Variants in YWHAQ observed in about 807,000 individuals in gnomAD.
YWHAQ encodes the protein tyrosine 3-monooxygenase/tryptophan 5-monooxygenase activation protein theta.
YWHAQ carries 6 observed loss-of-function variants against 28.3 expected under a neutral mutation model. The ratio of observed to expected loss-of-function variants is 0.21; its 90% confidence interval spans 0.12 to 0.42. The LOEUF is 0.42. YWHAQ is among the 10% of genes least tolerant of loss of function. The pLI, the probability that YWHAQ is intolerant of heterozygous loss-of-function variation, is 1.00. For missense variants in YWHAQ, 201 were observed against 305.6 expected, an observed-to-expected ratio of 0.66 and a Z score of 2.55; for synonymous variants, 143 against 119.1, an observed-to-expected ratio of 1.20 and a Z score of -1.31.
chr2:9,607,997 C>T (rs569424081), intron 2 of YWHAQ, among the ~76,000 whole-genome samples: 54 of 152,004 alleles, frequency 3.6e-4, no homozygotes, highest in Non-Finnish European at 7.4e-4. Context: ...CGTGAGCCAC[C>T]GAGCCTGGCC....
At chr2:9,601,354 C>A (rs1020466010) in intron 2 of YWHAQ, among the ~76,000 whole-genome samples, 1 of 151,978 alleles carries the variant, frequency 6.6e-6, no homozygotes, top group African/African-American at 2.4e-5. Context: ...CCCAGCTACT[C>A]GGGAGGCTGA....
At chr2:9,585,448 A>ATAT in intron 5 of YWHAQ, 103 bp from the exon 6 acceptor site, 1 of 1,289,752 alleles carries the variant, frequency 7.8e-7, no homozygotes, top group Non-Finnish European at 1.1e-6. Context: ...TAAATTCCTC[A>ATAT]AACAATGGAG....
intron 2 of YWHAQ, among the ~76,000 whole-genome samples, chr2:9,618,674 ATT>A (rs34048944): frequency 1.3e-4 from 17 of 134,550 alleles, no homozygotes; most frequent in Admixed American, 1.5e-4. Context: ...CACTGTTTTG[ATT>A]TTTTTTTTTT....
At chr2:9,617,772 A>G (rs1667064580) in intron 2 of YWHAQ, among the ~76,000 whole-genome samples, 1 of 152,054 alleles carries the variant, frequency 6.6e-6, no homozygotes, top group Admixed American at 6.6e-5. Flanking sequence ...CCCCATCTCT[A>G]AAAAATCAGC....
At chr2:9,587,136 C>G (rs756821171) in intron 5 of YWHAQ, among the ~76,000 whole-genome samples, 9 of 152,138 alleles carry the variant, frequency 5.9e-5, no homozygotes, top group Non-Finnish European at 1.3e-4. Flanking sequence ...ACTTGATAAG[C>G]TCTTTATTAA....
At chr2:9,598,013 T>TTTTTTTAA (rs1666612979) in intron 2 of YWHAQ, among the ~76,000 whole-genome samples, 1 of 134,898 alleles carries the variant, frequency 7.4e-6, no homozygotes, top group African/African-American at 2.9e-5. Flanking sequence ...TTTTTTTTTT[T>TTTTTTTAA]AGTAGAGACA....
chr2:9,625,275 A>C (rs1489795422), intron 2 of YWHAQ, among the ~76,000 whole-genome samples: 2 of 150,766 alleles, frequency 1.3e-5, no homozygotes, highest in African/African-American at 2.4e-5. Flanking sequence ...AAAAAAAAAA[A>C]CCCAAACCCC....
At chr2:9,602,688 C>T (rs1000406998) in intron 2 of YWHAQ, among the ~76,000 whole-genome samples, 5 of 151,036 alleles carry the variant, frequency 3.3e-5, no homozygotes, top group South Asian at 4.2e-4. Flanking sequence ...CAGGCTACCA[C>T]GCCCAGCTAA....
intron 4 of YWHAQ, 51 bp downstream of exon 4, chr2:9,588,114 T>C (rs1666383206): frequency 6.8e-7 from 1 of 1,480,070 alleles, no homozygotes; most frequent in Non-Finnish European, 8.9e-7. Context: ...ACATACCTGG[T>C]ATCTCAAATA....
chr2:9,598,048 G>A (rs1666614177), intron 2 of YWHAQ, among the ~76,000 whole-genome samples: 1 of 139,758 alleles, frequency 7.2e-6, no homozygotes, highest in Non-Finnish European at 1.5e-5. Flanking sequence ...TGGTCAGGCT[G>A]GTCTCAAACT....
At chr2:9,602,856 AAAAAAAATATATATATATATATAT>A (rs1666735473) in intron 2 of YWHAQ, among the ~76,000 whole-genome samples, 1 of 13,114 alleles carries the variant, frequency 7.6e-5, no homozygotes, top group Non-Finnish European at 1.6e-4. Context: ...AAAAAAAAAA[AAAAAAAATATATATATATATATAT>A]ATATATATAT....
intron 5 of YWHAQ, among the ~76,000 whole-genome samples, chr2:9,586,393 C>T (rs1419787210): frequency 1.3e-5 from 2 of 152,086 alleles, no homozygotes; most frequent in Admixed American, 1.3e-4. Flanking sequence ...CTTACATAAT[C>T]CTTAGATTAT....
intron 2 of YWHAQ, among the ~76,000 whole-genome samples, chr2:9,597,789 CT>C (rs1167972976): frequency 1.9e-3 from 262 of 140,392 alleles, no homozygotes; most frequent in Non-Finnish European, 2.0e-3. Flanking sequence ...AGAAGCAAAC[CT>C]TTTTTTTTTT....
At chr2:9,612,759 C>T (rs1018610246) in intron 2 of YWHAQ, among the ~76,000 whole-genome samples, 1 of 152,158 alleles carries the variant, frequency 6.6e-6, no homozygotes, top group African/African-American at 2.4e-5. Flanking sequence ...TCCAGCACTA[C>T]TCAAAGATAA....
chr2:9,597,289 C>T (rs187198349), intron 2 of YWHAQ, among the ~76,000 whole-genome samples: 2 of 152,200 alleles, frequency 1.3e-5, no homozygotes, highest in African/African-American at 4.8e-5. Context: ...GAAATATTTT[C>T]GATCATTAAT....
At chr2:9,614,018 A>G (rs764558884) in intron 2 of YWHAQ, among the ~76,000 whole-genome samples, 1 of 152,190 alleles carries the variant, frequency 6.6e-6, no homozygotes, top group Non-Finnish European at 1.5e-5. Flanking sequence ...ACTTCATCCA[A>G]TGCAGCCTAA....
intron 2 of YWHAQ, among the ~76,000 whole-genome samples, chr2:9,601,596 C>A (rs778677765): frequency 3.3e-5 from 5 of 152,184 alleles, no homozygotes; most frequent in Non-Finnish European, 7.4e-5. Flanking sequence ...CTTAGGCATA[C>A]ACTGAGAACC....
At chr2:9,599,096 A>G (rs10210225) in intron 2 of YWHAQ, among the ~76,000 whole-genome samples, 90,201 of 152,080 alleles carry the variant, frequency 0.59, 29,114 homozygotes, top group African/African-American at 0.82. Flanking sequence ...ATGTGGTCTG[A>G]ATAGAAGCTG....
At chr2:9,605,661 G>A (rs901760142) in intron 2 of YWHAQ, among the ~76,000 whole-genome samples, 42 of 150,406 alleles carry the variant, frequency 2.8e-4, no homozygotes, top group Non-Finnish European at 5.9e-4. Context: ...CCCGGGTTCA[G>A]GCAATTCTCC....
Sources: gnomAD v4.1 joint callset for allele counts (sites outside exome capture counted in the v4.1 genomes callset) on GRCh38, gnomAD v4.1.1 for gene constraint, MANE v1.5 for transcripts, NCBI Gene and HGNC (gene_info 2026-07-23, HGNC 2026-07-21) for gene names.